The following TNS1 variants were observed in gnomAD, a reference collection of about 807,000 sequenced individuals.
TNS1 encodes tensin 1, also known as tensin-1.
Under a neutral mutation model 168.6 loss-of-function variants are expected in TNS1, and 62 were observed. That is an observed-to-expected ratio of 0.37 (90% CI 0.30 to 0.45). The LOEUF (loss-of-function observed/expected upper bound fraction) is 0.45, where lower values mean the gene tolerates loss of function less well. Ranked by LOEUF, TNS1 falls within the 20% of genes least tolerant of loss-of-function variation. The probability of loss-of-function intolerance (pLI) is 1.00; values close to 1 mark genes in which losing one functional copy is unlikely to be tolerated. For synonymous variants in TNS1, 934 were observed against 933.2 expected (o/e 1.00, Z -0.02); for missense variants, 2,240 against 2,339.4 (o/e 0.96, Z 0.88).
intron 1 of TNS1, among the ~76,000 whole-genome samples, chr2:218,022,267 A>C (rs1302599126): frequency 1.3e-5 from 2 of 151,790 alleles, no homozygotes; most frequent in African/African-American, 4.8e-5. Context: ...GACAGCCCCT[A>C]CTCCTGGGCA....
At chr2:218,011,723 C>T (rs985539924), upstream of TNS1, among the ~76,000 whole-genome samples, 2 of 152,136 alleles carry the variant, frequency 1.3e-5, no homozygotes, top group Admixed American at 6.5e-5. Flanking sequence ...AGGCCCTGCC[C>T]GTCCCCATTG....
chr2:217,932,937 C>A (rs1465183792), intron 3 of TNS1, among the ~76,000 whole-genome samples: 1 of 152,202 alleles, frequency 6.6e-6, no homozygotes, highest in Non-Finnish European at 1.5e-5. Context: ...ACCCCATCTG[C>A]TCTGATGGAC....
intron 3 of TNS1, among the ~76,000 whole-genome samples, chr2:217,959,994 C>A (rs571327984): frequency 2.0e-5 from 3 of 152,080 alleles, no homozygotes; most frequent in African/African-American, 7.2e-5. Context: ...GAGAAGGAAG[C>A]CGGCAGGAGG....
intron 18 of TNS1, among the ~76,000 whole-genome samples, chr2:217,869,631 C>G (rs1330128933): frequency 6.6e-6 from 1 of 152,216 alleles, no homozygotes; most frequent in Non-Finnish European, 1.5e-5. Flanking sequence ...AGCCCTCAGC[C>G]AGCCAAGTCC....
chr2:217,890,754 G>A (rs1951662626), intron 12 of TNS1: 1 of 603,104 alleles, frequency 1.7e-6, no homozygotes, highest in African/African-American at 1.9e-5. Context: ...CAAGTGCTGT[G>A]CCAATCTGCG....
At chr2:217,889,374 CTCAGCA>C (rs1365625543) in intron 12 of TNS1, among the ~76,000 whole-genome samples, 1 of 152,234 alleles carries the variant, frequency 6.6e-6, no homozygotes, top group African/African-American at 2.4e-5. Context: ...TGTTGGGACC[CTCAGCA>C]TGATGAGGCT....
chr2:217,851,395 C>G (rs1439656003), intron 18 of TNS1, among the ~76,000 whole-genome samples: 1 of 150,822 alleles, frequency 6.6e-6, no homozygotes, highest in Non-Finnish European at 1.5e-5. Context: ...TGTTACAACA[C>G]AGAGAACTGG....
At chr2:217,997,610 T>C (rs1958494780) in intron 1 of TNS1, among the ~76,000 whole-genome samples, 1 of 152,236 alleles carries the variant, frequency 6.6e-6, no homozygotes, top group African/African-American at 2.4e-5. Context: ...TCTTTGAGCC[T>C]ACAGCAGTAC....
At chr2:217,968,212 A>T (rs1957694561) in intron 3 of TNS1, among the ~76,000 whole-genome samples, 1 of 152,254 alleles carries the variant, frequency 6.6e-6, no homozygotes, top group Non-Finnish European at 1.5e-5. Flanking sequence ...AATATTGGAT[A>T]GTTTCCTCCT....
intron 32 of TNS1, among the ~76,000 whole-genome samples, chr2:217,805,603 C>A (rs867329389): frequency 2.7e-3 from 94 of 35,462 alleles, no homozygotes; most frequent in African/African-American, 8.2e-3. Context: ...CACCACACAC[C>A]ACACACACCA....
At chr2:217,808,697 G>C in intron 30 of TNS1, 26 bp from the exon 31 acceptor site, 1 of 1,610,990 alleles carries the variant, frequency 6.2e-7, no homozygotes, top group Non-Finnish European at 8.5e-7. Flanking sequence ...CAGATAAACA[G>C]AGAATGAGTG....
At chr2:217,834,990 T>G (rs1326387524) in intron 21 of TNS1, 101 bp downstream of exon 21, 1 of 1,042,650 alleles carries the variant, frequency 9.6e-7, no homozygotes, top group East Asian at 2.8e-5. Flanking sequence ...CCTGGGGCAC[T>G]GTCACCCCCA....
chr2:217,828,134 G>A (rs1943880577), intron 22 of TNS1, among the ~76,000 whole-genome samples: 1 of 152,212 alleles, frequency 6.6e-6, no homozygotes, highest in Non-Finnish European at 1.5e-5. Context: ...TTGGGAGAAA[G>A]CCCTTTCCCC....
At chr2:217,903,717 C>A (rs918544921) in intron 6 of TNS1, 43 of 954,218 alleles carry the variant, frequency 4.5e-5, no homozygotes, top group Non-Finnish European at 5.8e-5. Flanking sequence ...TGGTATCTAA[C>A]CCTCATCCTT....
At position 217,979,638 on chromosome 2, in the gene TNS1, G is replaced by A. The variant is rs1226773929; in HGVS notation, c.149-836C>T. On this transcript the variant is annotated intron_variant, in intron 2 of 32. Transcript: ENST00000682258. ...AGCCTGGAATGTCCCCAGCCCTGCC[G>A]CCCCACCCCCCAGGGCTCTGGGACT... Among the ~76,000 whole-genome samples the A allele has an allele frequency of 3.3e-5, 5 of 152,022 alleles. No homozygotes were observed. In the Middle Eastern group the frequency reaches 0.01, roughly 310 times the overall value.
chr2:217,954,485 G>T (rs1957313156), intron 3 of TNS1, among the ~76,000 whole-genome samples: 2 of 152,120 alleles, frequency 1.3e-5, no homozygotes, highest in Non-Finnish European at 2.9e-5. Context: ...ATTCCTCCTG[G>T]TAACTAAGCA....
intron 22 of TNS1, among the ~76,000 whole-genome samples, chr2:217,827,851 C>T (rs906709661): frequency 2.0e-5 from 3 of 152,210 alleles, no homozygotes; most frequent in Admixed American, 6.5e-5. Flanking sequence ...TAGTTCAGTC[C>T]TGTCGAGGCC....
chr2:217,991,085 C>G (rs757939814), intron 1 of TNS1, 29 bp from the exon 2 acceptor site: 16 of 615,270 alleles, frequency 2.6e-5, no homozygotes, highest in South Asian at 7.4e-5. Flanking sequence ...AGAGTCAGCC[C>G]TGGGTAGAAG....
intron 18 of TNS1, among the ~76,000 whole-genome samples, chr2:217,870,854 C>T (rs923282161): frequency 1.3e-5 from 2 of 152,170 alleles, no homozygotes; most frequent in South Asian, 2.1e-4. Context: ...CAGCGCTGCT[C>T]GACAGAGAAC....
Sources: gnomAD v4.1 joint callset for allele counts (sites outside exome capture counted in the v4.1 genomes callset) on GRCh38, gnomAD v4.1.1 for gene constraint, MANE v1.5 for transcripts, NCBI Gene and HGNC (gene_info 2026-07-23, HGNC 2026-07-21) for gene names.